The following DACH1 variants were observed in gnomAD, a reference collection of about 807,000 sequenced individuals.
DACH1 encodes the protein dachshund family transcription factor 1, also known as dachshund homolog 1.
DACH1 carries 12 observed loss-of-function variants against 54.2 expected under a neutral mutation model. The observed-to-expected ratio is 0.22, with a 90% CI of 0.14 to 0.36. The LOEUF (loss-of-function observed/expected upper bound fraction) is 0.36. Among genes scored for constraint, DACH1 ranks in the 10% least tolerant of loss-of-function variants. The probability of loss-of-function intolerance (pLI) is 1.00; values close to 1 mark genes in which losing one functional copy is unlikely to be tolerated. For synonymous variants in DACH1, 386 were observed against 366.2 expected (o/e 1.05, Z -0.62); for missense variants, 805 against 929.8 (o/e 0.87, Z 1.75).
At chr13:71,627,092 T>C (rs1374689130) in intron 3 of DACH1, among the ~76,000 whole-genome samples, 2 of 151,992 alleles carry the variant, frequency 1.3e-5, no homozygotes, top group Non-Finnish European at 2.9e-5. Context: ...TGGAAAGATA[T>C]GAGCTCAAGG....
At chr13:71,754,081 T>C (rs1341577306) in intron 1 of DACH1, among the ~76,000 whole-genome samples, 1 of 152,186 alleles carries the variant, frequency 6.6e-6, no homozygotes, top group African/African-American at 2.4e-5. Context: ...CACTGGAGTA[T>C]TACTTTTATT....
intron 1 of DACH1, among the ~76,000 whole-genome samples, chr13:71,791,955 C>T (rs1006181208): frequency 6.6e-6 from 1 of 152,178 alleles, no homozygotes; most frequent in Non-Finnish European, 1.5e-5. Context: ...CAGCAACCCA[C>T]GGAAAGCTCA....
At chr13:71,648,401 C>T (rs537660764) in intron 2 of DACH1, among the ~76,000 whole-genome samples, 2 of 151,890 alleles carry the variant, frequency 1.3e-5, no homozygotes, top group African/African-American at 4.8e-5. Context: ...AGAGAGGCGA[C>T]GAGAAGAGAG....
intron 6 of DACH1, among the ~76,000 whole-genome samples, chr13:71,541,802 AG>A (rs1469019011): frequency 6.6e-6 from 1 of 152,056 alleles, no homozygotes; most frequent in East Asian, 1.9e-4. Context: ...ATTAATTTTA[AG>A]GGTTCTAAAA....
At chr13:71,467,731 T>C (rs1378982987) in intron 10 of DACH1, among the ~76,000 whole-genome samples, 5 of 152,120 alleles carry the variant, frequency 3.3e-5, no homozygotes, top group Non-Finnish European at 1.5e-5. Flanking sequence ...TTCAATTTAA[T>C]CAGTGACATC....
chr13:71,761,656 G>A (rs1244530059), intron 1 of DACH1, among the ~76,000 whole-genome samples: 1 of 152,206 alleles, frequency 6.6e-6, no homozygotes, highest in Admixed American at 6.5e-5. Context: ...CTTGTTAAAT[G>A]CAGGTTTTGA....
chr13:71,793,516 G>A (rs1295949074), intron 1 of DACH1, among the ~76,000 whole-genome samples: 2 of 152,036 alleles, frequency 1.3e-5, no homozygotes, highest in Non-Finnish European at 2.9e-5. Flanking sequence ...TCTCAACCCA[G>A]TGATATCTCT....
chr13:71,703,274 T>A (rs921573519), intron 1 of DACH1, among the ~76,000 whole-genome samples: 1 of 152,134 alleles, frequency 6.6e-6, no homozygotes, highest in Admixed American at 6.5e-5. Flanking sequence ...CCTCCTTTTT[T>A]AATTTGAGCT....
chr13:71,449,791 C>A (rs1033730322), intron 10 of DACH1, among the ~76,000 whole-genome samples: 2 of 151,516 alleles, frequency 1.3e-5, no homozygotes, highest in Middle Eastern at 3.2e-3. Context: ...AATCACAAAC[C>A]GCTTTTATAT....
At chr13:71,753,177 A>G (rs1377348231) in intron 1 of DACH1, among the ~76,000 whole-genome samples, 23 of 152,320 alleles carry the variant, frequency 1.5e-4, no homozygotes, top group Non-Finnish European at 4.4e-5. Context: ...ACCAAATGAC[A>G]GAACTCTCTC....
intron 6 of DACH1, among the ~76,000 whole-genome samples, chr13:71,513,452 A>C (rs914232642): frequency 2.0e-5 from 3 of 152,152 alleles, no homozygotes; most frequent in Non-Finnish European, 2.9e-5. Flanking sequence ...CAGTATTTGC[A>C]AAAATATTAG....
chr13:71,528,349 A>G (rs1651982588), intron 6 of DACH1, among the ~76,000 whole-genome samples: 1 of 151,904 alleles, frequency 6.6e-6, no homozygotes, highest in Admixed American at 6.6e-5. Context: ...TTCATCAACT[A>G]TGGAATATAT....
rs929647961 is a variant in DACH1 at position 71,567,442 on chromosome 13, A to G, written c.1299+5398T>C. On this transcript the variant is annotated intron_variant, in intron 4 of 10. Coordinates refer to ENST00000613252, the MANE Select transcript of DACH1 (RefSeq NM_080759.6). The stretch of plus-strand genomic sequence containing the variant: ...TTTTATTAGGTAAAATGAGCAGAAC[A>G]AAAAAAAATAGAAAGTCAGAGAGAC... 3.9e-4 allele frequency among the ~76,000 whole-genome samples: 55 copies of G among 142,838 alleles called. No homozygotes were observed. The East Asian group carries it at 9.9e-3, about 26-fold the overall frequency. 93.7% of individuals were successfully genotyped at this position (142,838 alleles called of 152,430 possible). A position where few individuals can be genotyped will look rare whatever the true frequency, so the allele number is the denominator to read the frequency against.
intron 3 of DACH1, among the ~76,000 whole-genome samples, chr13:71,591,455 T>A (rs1873704818): frequency 6.6e-6 from 1 of 152,176 alleles, no homozygotes; most frequent in African/African-American, 2.4e-5. Flanking sequence ...CTTAAATATA[T>A]ATGCAAAAAT....
At chr13:71,670,529 A>G (rs948443741) in intron 2 of DACH1, among the ~76,000 whole-genome samples, 1 of 152,114 alleles carries the variant, frequency 6.6e-6, no homozygotes, top group African/African-American at 2.4e-5. Flanking sequence ...AGTCCCTAAA[A>G]AGTAAACATT....
intron 8 of DACH1, among the ~76,000 whole-genome samples, chr13:71,477,280 C>T (rs1877650735): frequency 6.6e-6 from 1 of 150,846 alleles, no homozygotes; most frequent in Non-Finnish European, 1.5e-5. Context: ...GCCACCACGC[C>T]CGGCTAATTT....
At chr13:71,758,717 TAAC>T (rs1885274878) in intron 1 of DACH1, among the ~76,000 whole-genome samples, 2 of 152,178 alleles carry the variant, frequency 1.3e-5, no homozygotes, top group Admixed American at 1.3e-4. Context: ...CGAAGGAAGT[TAAC>T]AACAAATAAA....
rs999335088 is a variant in DACH1 at position 71,592,203 on chromosome 13, T to C, written c.1127-19191A>G. On this transcript the variant is annotated intron_variant, in intron 3 of 10. Transcript: ENST00000613252. ...GGCATGAGGAGGAGAAAGAAGTACTTTGAAAATTTTAAAAAGGAGAATTAG... is the reference window on the plus strand; with the variant it reads ...GGCATGAGGAGGAGAAAGAAGTACTCTGAAAATTTTAAAAAGGAGAATTAG... Among the ~76,000 whole-genome samples, 3 of 151,898 alleles carry C rather than the reference T, an allele frequency of 2.0e-5. No individual in the cohort carries two copies. The South Asian group carries it at 6.2e-4, about 32-fold the overall frequency.
chr13:71,528,734 A>C (rs1882194986), intron 6 of DACH1, among the ~76,000 whole-genome samples: 1 of 152,124 alleles, frequency 6.6e-6, no homozygotes, highest in African/African-American at 2.4e-5. Flanking sequence ...GTCCACCTAG[A>C]CAAGTCATTT....
Sources: allele counts gnomAD v4.1 joint callset (sites outside exome capture counted in the v4.1 genomes callset), GRCh38; gene constraint gnomAD v4.1.1; transcripts MANE v1.5; gene names NCBI Gene and HGNC (gene_info 2026-07-23, HGNC 2026-07-21).